SNAP47: variants seen among roughly 807,000 people sequenced by gnomAD.
The protein encoded by SNAP47 is synaptosome associated protein 47.
Under a neutral mutation model 31.4 loss-of-function variants are expected in SNAP47, and 20 were observed. The observed-to-expected ratio is 0.64, with a 90% CI of 0.45 to 0.93. SNAP47 has a LOEUF of 0.93. Ranked by LOEUF, SNAP47 falls within the 40% of genes least tolerant of loss-of-function variation. The probability of loss-of-function intolerance (pLI) is 0.00; values close to 1 mark genes in which losing one functional copy is unlikely to be tolerated. For missense variants in SNAP47, 492 were observed against 528.5 expected, an observed-to-expected ratio of 0.93 and a Z score of 0.68; for synonymous variants, 194 against 213.4, an observed-to-expected ratio of 0.91 and a Z score of 0.79.
At chr1:227,779,988 G>T (rs1664371189) in intron 4 of SNAP47, among the ~76,000 whole-genome samples, 1 of 152,200 alleles carries the variant, frequency 6.6e-6, no homozygotes. Flanking sequence ...TCTGTCATTT[G>T]CATTGTGCAT....
chr1:227,775,645 C>A, intron 4 of SNAP47: 1 of 789,124 alleles, frequency 1.3e-6, no homozygotes, highest in Non-Finnish European at 1.8e-6. Context: ...CAGCCTTGCC[C>A]TAATGGTGCG....
chr1:227,757,520 C>T (rs1366185990), intron 2 of SNAP47, among the ~76,000 whole-genome samples: 1 of 152,198 alleles, frequency 6.6e-6, no homozygotes, highest in African/African-American at 2.4e-5. Context: ...GATAATGATA[C>T]ATAATCTTGA....
intron 1 of SNAP47, among the ~76,000 whole-genome samples, chr1:227,740,828 G>A (rs955301022): frequency 1.0e-3 from 156 of 152,278 alleles, no homozygotes; most frequent in African/African-American, 3.5e-3. Flanking sequence ...CTCTGGTGCT[G>A]CTACACTGGG....
intron 3 of SNAP47, among the ~76,000 whole-genome samples, chr1:227,764,674 G>A (rs1482687497): frequency 2.6e-5 from 4 of 152,228 alleles, no homozygotes; most frequent in Non-Finnish European, 5.9e-5. Context: ...GGGAGGCAGA[G>A]GCGGGCGAAT....
upstream of SNAP47, chr1:227,733,437 A>G (rs1336928794): frequency 6.3e-7 from 1 of 1,579,696 alleles, no homozygotes. Flanking sequence ...TGGTGGTGCC[A>G]GCCACTGGGC....
At chr1:227,774,539 G>C (rs545962676) in intron 4 of SNAP47, among the ~76,000 whole-genome samples, 10 of 152,288 alleles carry the variant, frequency 6.6e-5, no homozygotes, top group African/African-American at 2.4e-4. Context: ...TCCATGCACA[G>C]CAGTGTCCCG....
At chr1:227,735,018 TCC>T, upstream of SNAP47, 1 of 1,547,982 alleles carries the variant, frequency 6.5e-7, no homozygotes, top group Non-Finnish European at 8.7e-7. Flanking sequence ...CCACCGTAGG[TCC>T]GTAGCAGGTG....
Position 227,780,876 on chromosome 1 carries a change from C to T in SNAP47, c.*203C>T. On this transcript the variant is annotated 3_prime_UTR_variant, in exon 5 of 5. Transcript: ENST00000617596. The stretch of plus-strand genomic sequence containing the variant: ...GCCTCCCACTTGGCTGTCCCTGCTG[C>T]TGGGCAGGACCCGGCCACATGTTCT... 1.5e-6 allele frequency: 1 copy of T among 661,080 alleles called. No individual in the cohort carries two copies. Among genetic ancestry groups the T allele is most frequent in the South Asian group, 1.9e-5 (1 of 51,868 alleles). 41.0% of individuals were successfully genotyped at this position (661,080 alleles called of 1,614,324 possible).
intron 4 of SNAP47, among the ~76,000 whole-genome samples, chr1:227,778,112 C>T (rs911232066): frequency 5.3e-5 from 8 of 152,196 alleles, no homozygotes; most frequent in East Asian, 3.8e-4. Context: ...GACATAGCGA[C>T]GGGGGAAAAA....
Position 227,767,010 on chromosome 1 carries a change from A to G in SNAP47, c.1040A>G (p.Gln347Arg). Residue 347 changes from glutamine to arginine, a missense_variant, in exon 4 of 5, where the codon CAG becomes CGG. Coordinates refer to ENST00000617596, the MANE Select transcript of SNAP47 (RefSeq NM_053052.4). ...TLHREPPAGD[Q>R]EGTALHLQTS... Reference sequence around the variant, plus strand: ...CACCGTGAGCCACCCGCAGGAGACCAGGAGGGCACAGCACTGCACCTGCAG... The same window carrying G: ...CACCGTGAGCCACCCGCAGGAGACCGGGAGGGCACAGCACTGCACCTGCAG... The G allele has an allele frequency of 6.2e-7, 1 of 1,614,030 alleles. No homozygotes were observed. The highest frequency in any genetic ancestry group is 2.2e-5 in the East Asian group (1 of 44,894).
chr1:227,769,026 A>G (rs2102982047), intron 4 of SNAP47, among the ~76,000 whole-genome samples: 1 of 152,368 alleles, frequency 6.6e-6, no homozygotes, highest in African/African-American at 2.4e-5. Flanking sequence ...AAGTGTCCAC[A>G]CATCAGACTC....
At chr1:227,733,260 G>A (rs1465886757), upstream of SNAP47, 2 of 921,432 alleles carry the variant, frequency 2.2e-6, no homozygotes, top group Non-Finnish European at 3.2e-6. Context: ...GTGAAACAGA[G>A]GCTAGGCCTC....
At chr1:227,772,216 A>G (rs899272843) in intron 4 of SNAP47, among the ~76,000 whole-genome samples, 6 of 152,232 alleles carry the variant, frequency 3.9e-5, no homozygotes, top group Admixed American at 6.5e-5. Flanking sequence ...GGTGAAATAT[A>G]TAAAACACAA....
At chr1:227,761,717 C>T (rs1663075529) in intron 3 of SNAP47, among the ~76,000 whole-genome samples, 1 of 151,998 alleles carries the variant, frequency 6.6e-6, no homozygotes, top group African/African-American at 2.4e-5. Context: ...AAGAGGGGTC[C>T]CTGGGTATGT....
chr1:227,747,714 G>T lies in SNAP47; in HGVS notation c.-23G>T. The T allele has an allele frequency of 6.2e-7, 1 of 1,606,200 alleles. No homozygotes were observed. Among genetic ancestry groups the T allele is most frequent in the Middle Eastern group, 1.7e-4 (1 of 6,028 alleles). On this transcript the variant is annotated 5_prime_UTR_variant, in exon 2 of 5. Transcript: ENST00000617596. ...CAGAGGCAGAAGAGGCCTGGACCTT[G>T]GCGCACACAGACCCAGGAACAGATG...
In SNAP47 at chr1:227,735,457, G is replaced by A. The variant is rs1202049527; in HGVS notation, c.-88G>A. The A allele has an allele frequency of 6.9e-7, 1 of 1,440,342 alleles. No homozygotes were observed. Among genetic ancestry groups the A allele is most frequent in the Non-Finnish European group, 9.0e-7 (1 of 1,107,850 alleles). 89.2% of individuals were successfully genotyped at this position (1,440,342 alleles called of 1,614,324 possible). A position where few individuals can be genotyped will look rare whatever the true frequency, so the allele number is the denominator to read the frequency against. On this transcript the variant is annotated 5_prime_UTR_variant, in exon 1 of 5. Coordinates refer to ENST00000617596, the MANE Select transcript of SNAP47 (RefSeq NM_053052.4). The stretch of plus-strand genomic sequence containing the variant: ...TTCACTGCGCAGGCGCCGAGCGGCC[G>A]AGGCGCCGCGGTCGGCTCTGGGACT...
intron 1 of SNAP47, among the ~76,000 whole-genome samples, chr1:227,729,670 G>A (rs770257549): frequency 6.6e-6 from 1 of 152,182 alleles, no homozygotes. Context: ...GTCCCTGGGG[G>A]AGGCACCTTC....
chr1:227,761,804 A>C (rs1180126185), intron 3 of SNAP47, among the ~76,000 whole-genome samples: 1 of 152,104 alleles, frequency 6.6e-6, no homozygotes, highest in African/African-American at 2.4e-5. Context: ...AGAAGCACTC[A>C]GTGTGTTTAG....
At position 227,738,320 on chromosome 1, in the gene SNAP47, G is replaced by A. The variant is rs150377178; in HGVS notation, c.-46+2821G>A. Among the ~76,000 whole-genome samples, 696 of 152,256 alleles carry A rather than the reference G, an allele frequency of 4.6e-3. 18 individuals carry two copies. The South Asian group carries it at 0.055, about 12-fold the overall frequency. On this transcript the variant is annotated intron_variant, in intron 1 of 4. Coordinates refer to ENST00000617596, the MANE Select transcript of SNAP47 (RefSeq NM_053052.4). ...CTCCCAAAGTGCTGGGATTACAGGC[G>A]TGAGCCACCGCACACCCAGCCGAGA...
Sources: allele counts gnomAD v4.1 joint callset (sites outside exome capture counted in the v4.1 genomes callset), GRCh38; gene constraint gnomAD v4.1.1; transcripts MANE v1.5; gene names NCBI Gene and HGNC (gene_info 2026-07-23, HGNC 2026-07-21).